The following CNTN5 variants were observed in gnomAD, a reference collection of about 807,000 sequenced individuals.
CNTN5 encodes contactin-5.
CNTN5 carries 77 observed loss-of-function variants against 129.1 expected under a neutral mutation model. That is an observed-to-expected ratio of 0.60 (90% CI 0.50 to 0.72). CNTN5 has a LOEUF of 0.72. Ranked by LOEUF, CNTN5 falls within the 30% of genes least tolerant of loss-of-function variation. The pLI is 0.00. For missense variants in CNTN5, 1,478 were observed against 1,328.8 expected (o/e 1.11, Z -1.75); for synonymous variants, 509 against 465.6 (o/e 1.09, Z -1.20).
At position 99,638,633 on chromosome 11, in the gene CNTN5, G is replaced by A. The variant is rs142983801; in HGVS notation, c.55+82364G>A. On this transcript the variant is annotated intron_variant, in intron 3 of 24. Coordinates refer to ENST00000524871, the MANE Select transcript of CNTN5 (RefSeq NM_014361.4). ...TAACCATTCCCAACGGGAGAAATCG[G>A]CTAAAACAAAGGGGTTTTCAGGGTC... Among the ~76,000 whole-genome samples, 58 of 152,272 alleles carry A rather than the reference G, an allele frequency of 3.8e-4. 1 individual carries two copies. The highest frequency in any genetic ancestry group is 1.3e-3 in the African/African-American group (53 of 41,558).
chr11:99,171,060 T>C (rs951385132), intron 1 of CNTN5, among the ~76,000 whole-genome samples: 2 of 148,482 alleles, frequency 1.3e-5, no homozygotes, highest in Non-Finnish European at 3.0e-5. Context: ...ACACTGAATA[T>C]ATTAGTTTTT....
chr11:100,291,846 A>G (rs1048921723), intron 18 of CNTN5, among the ~76,000 whole-genome samples: 9 of 151,322 alleles, frequency 5.9e-5, no homozygotes, highest in African/African-American at 1.9e-4. Flanking sequence ...ACATTTGAAA[A>G]CTCAAACGCC....
intron 1 of CNTN5, among the ~76,000 whole-genome samples, chr11:99,306,248 G>T (rs1219557497): frequency 6.6e-6 from 1 of 152,116 alleles, no homozygotes; most frequent in African/African-American, 2.4e-5. Flanking sequence ...AAAATCCAAG[G>T]TGTGACATTT....
At chr11:99,170,906 A>G (rs1861117120) in intron 1 of CNTN5, among the ~76,000 whole-genome samples, 1 of 152,216 alleles carries the variant, frequency 6.6e-6, no homozygotes, top group African/African-American at 2.4e-5. Context: ...TGTCATGTCA[A>G]TTTACAACCT....
At chr11:99,766,245 A>G (rs1168723030) in intron 3 of CNTN5, among the ~76,000 whole-genome samples, 2 of 152,090 alleles carry the variant, frequency 1.3e-5, no homozygotes, top group Admixed American at 6.6e-5. Flanking sequence ...ATGCAAACAT[A>G]TTTATCTGTA....
chr11:99,869,367 A>G (rs1213455019), intron 6 of CNTN5, among the ~76,000 whole-genome samples: 1 of 152,198 alleles, frequency 6.6e-6, no homozygotes, highest in East Asian at 1.9e-4. Context: ...TTTGTGTTAT[A>G]GATTGTTGGG....
At chr11:100,298,926 T>G (rs180698369) in intron 19 of CNTN5, among the ~76,000 whole-genome samples, 181 of 151,534 alleles carry the variant, frequency 1.2e-3, no homozygotes, top group Admixed American at 2.7e-3. Context: ...TTTTCAATTC[T>G]CTTGAGAGTT....
Position 100,159,365 on chromosome 11 carries a change from T to A in CNTN5, c.1581-31761T>A, listed in dbSNP as rs773251963. On this transcript the variant is annotated intron_variant, in intron 13 of 24. Coordinates refer to ENST00000524871, the MANE Select transcript of CNTN5 (RefSeq NM_014361.4). ...CACTCTTCTTGGATATAATGTTAAATTTGTACTTATTTTTAAAATATCTAC... is the reference window on the plus strand; with the variant it reads ...CACTCTTCTTGGATATAATGTTAAAATTGTACTTATTTTTAAAATATCTAC... Among the ~76,000 whole-genome samples, 105 of 151,890 alleles carry A rather than the reference T, an allele frequency of 6.9e-4. 2 individuals carry two copies. The highest frequency in any genetic ancestry group is 2.4e-4 in the Non-Finnish European group (16 of 67,926).
intron 15 of CNTN5, among the ~76,000 whole-genome samples, chr11:100,215,633 A>C (rs115223135): frequency 0.01 from 1,567 of 152,246 alleles, 20 homozygotes; most frequent in African/African-American, 0.035. Flanking sequence ...ATGCTTAGTC[A>C]CTATAATGGA....
chr11:99,253,581 T>C (rs182123134), intron 1 of CNTN5, among the ~76,000 whole-genome samples: 1 of 152,184 alleles, frequency 6.6e-6, no homozygotes, highest in Non-Finnish European at 1.5e-5. Context: ...TTAATTTTAC[T>C]AACTACATTG....
chr11:99,444,817 A>T (rs961127322), intron 2 of CNTN5, among the ~76,000 whole-genome samples: 3 of 151,936 alleles, frequency 2.0e-5, no homozygotes, highest in Non-Finnish European at 4.4e-5. Flanking sequence ...ATGTACACAT[A>T]GTCAAATCTA....
At chr11:100,292,574 A>C (rs974590856) in intron 18 of CNTN5, among the ~76,000 whole-genome samples, 1 of 151,960 alleles carries the variant, frequency 6.6e-6, no homozygotes, top group East Asian at 1.9e-4. Context: ...TAAGCATCTG[A>C]ACTTCTCTAT....
In CNTN5 at chr11:99,034,614, T is replaced by G. The variant is rs890630824; in HGVS notation, c.-210+13344T>G. On this transcript the variant is annotated intron_variant, in intron 1 of 24. Coordinates refer to ENST00000524871, the MANE Select transcript of CNTN5 (RefSeq NM_014361.4). ...TGTATTTCTGTGGGATCGGTGGTGA[T>G]AACCCCTTTATCATTTTTTATTGCG... Among the ~76,000 whole-genome samples, 5 of 151,446 alleles carry G rather than the reference T, an allele frequency of 3.3e-5. No individual in the cohort carries two copies. In the East Asian group the frequency reaches 9.9e-4, roughly 30 times the overall value.
intron 3 of CNTN5, among the ~76,000 whole-genome samples, chr11:99,588,812 GT>G (rs1404327173): frequency 1.3e-5 from 2 of 152,144 alleles, no homozygotes; most frequent in Admixed American, 1.3e-4. Context: ...GACCAACCTG[GT>G]TGCAATATTC....
At chr11:99,523,663 T>TAGAATAGAATAGAATAGAATAGAATAA (rs1565258700) in intron 2 of CNTN5, among the ~76,000 whole-genome samples, 4 of 132,670 alleles carry the variant, frequency 3.0e-5, no homozygotes, top group African/African-American at 1.1e-4. Context: ...ACAGAACAGA[T>TAGAATAGAATAGAATAGAATAGAATAA]CAGAACAGAA....
intron 18 of CNTN5, among the ~76,000 whole-genome samples, chr11:100,286,070 C>T (rs186451638): frequency 5.9e-5 from 9 of 152,348 alleles, no homozygotes; most frequent in Middle Eastern, 3.4e-3. Flanking sequence ...CGGCCCAACA[C>T]GAGATTATAT....
chr11:100,299,413 C>T lies in CNTN5; in HGVS notation c.2620+17C>T. 6.9e-7 allele frequency: 1 copy of T among 1,456,072 alleles called. No homozygotes were observed. The highest frequency in any genetic ancestry group is 2.0e-5 in the Admixed American group (1 of 50,482). 90.2% of individuals were successfully genotyped at this position (1,456,072 alleles called of 1,614,324 possible). A position where few individuals can be genotyped will look rare whatever the true frequency, so the allele number is the denominator to read the frequency against. ...CTGAAGGAGGTCAGTTTTTTTATTC[C>T]TATTATTTTTATTTAACATTTTACT... On this transcript the variant is annotated intron_variant, in intron 20 of 24. Transcript: ENST00000524871.
chr11:99,068,793 G>A (rs34256861), intron 1 of CNTN5, among the ~76,000 whole-genome samples: 72 of 152,298 alleles, frequency 4.7e-4, no homozygotes, highest in African/African-American at 1.7e-3. Context: ...GGGTGACTGA[G>A]TATATTTTGT....
chr11:100,038,161 TG>T (rs1942143008), intron 9 of CNTN5, among the ~76,000 whole-genome samples: 1 of 152,230 alleles, frequency 6.6e-6, no homozygotes, highest in Non-Finnish European at 1.5e-5. Flanking sequence ...GATTCTGGTA[TG>T]TTGTGTCTTT....
Sources: gnomAD v4.1 joint callset for allele counts (sites outside exome capture counted in the v4.1 genomes callset) on GRCh38, gnomAD v4.1.1 for gene constraint, MANE v1.5 for transcripts, NCBI Gene and HGNC (gene_info 2026-07-23, HGNC 2026-07-21) for gene names.